Variants in AHCYL2 observed in about 807,000 individuals in gnomAD.
AHCYL2 encodes adenosylhomocysteinase like 2.
Under a neutral mutation model 81.4 loss-of-function variants are expected in AHCYL2, and 28 were observed. The observed-to-expected ratio is 0.34, with a 90% CI of 0.25 to 0.47. The LOEUF is 0.47. AHCYL2 is among the 20% of genes least tolerant of loss of function. The pLI is 1.00. For missense variants in AHCYL2, 551 were observed against 785.1 expected (o/e 0.70, Z 3.56); for synonymous variants, 272 against 290.2 (o/e 0.94, Z 0.64).
intron 1 of AHCYL2, among the ~76,000 whole-genome samples, chr7:129,336,756 A>AT (rs199613653): frequency 7.9e-4 from 119 of 150,178 alleles, no homozygotes; most frequent in African/African-American, 1.9e-3. Context: ...ATAAAACGTA[A>AT]TTTTTTTTTT....
At chr7:129,355,236 A>C (rs1793696888) in intron 1 of AHCYL2, among the ~76,000 whole-genome samples, 2 of 138,938 alleles carry the variant, frequency 1.4e-5, no homozygotes, top group Non-Finnish European at 3.2e-5. Context: ...TGTTTTAGTG[A>C]TTGCACTGTG....
At chr7:129,256,125 T>C (rs1490788871) in intron 1 of AHCYL2, among the ~76,000 whole-genome samples, 2 of 152,238 alleles carry the variant, frequency 1.3e-5, no homozygotes, top group Non-Finnish European at 2.9e-5. Context: ...TTATTTTTTC[T>C]GATGACTTGT....
intron 1 of AHCYL2, among the ~76,000 whole-genome samples, chr7:129,269,521 T>C (rs927496986): frequency 2.6e-5 from 4 of 152,136 alleles, no homozygotes; most frequent in Non-Finnish European, 5.9e-5. Context: ...ACTCCTGAGC[T>C]CGTGATTCAC....
chr7:129,334,516 G>A (rs1798527155), intron 1 of AHCYL2, among the ~76,000 whole-genome samples: 1 of 152,162 alleles, frequency 6.6e-6, no homozygotes, highest in Admixed American at 6.5e-5. Context: ...CAGTCTAGAT[G>A]ATGATGGGAT....
At chr7:129,226,324 A>G (rs1794215362) in intron 1 of AHCYL2, among the ~76,000 whole-genome samples, 1 of 152,130 alleles carries the variant, frequency 6.6e-6, no homozygotes, top group Non-Finnish European at 1.5e-5. Flanking sequence ...TACATTGTCT[A>G]TCCATAGTTG....
chr7:129,341,641 G>A (rs917605378), intron 1 of AHCYL2, among the ~76,000 whole-genome samples: 14 of 152,194 alleles, frequency 9.2e-5, no homozygotes, highest in South Asian at 4.1e-4. Context: ...GTGGCTGGCA[G>A]GGTGGTGATG....
At chr7:129,281,185 A>G (rs1796431556) in intron 1 of AHCYL2, among the ~76,000 whole-genome samples, 1 of 152,054 alleles carries the variant, frequency 6.6e-6, no homozygotes, top group Non-Finnish European at 1.5e-5. Flanking sequence ...TTTAAATGTT[A>G]AACTCACCTT....
rs774916391 is a variant in AHCYL2, at chr7:129,405,051, T to C, written c.1026-46T>C. Reference sequence around the variant, plus strand: ...GGCCTCCTATGAAAGCAATGGTAGATTGTAATGTCCTGGTGTTTTTTGTTC... The same window carrying C: ...GGCCTCCTATGAAAGCAATGGTAGACTGTAATGTCCTGGTGTTTTTTGTTC... On this transcript the variant is annotated intron_variant, in intron 7 of 16. Coordinates refer to ENST00000325006, the MANE Select transcript of AHCYL2 (RefSeq NM_015328.4). The C allele has an allele frequency of 3.9e-6, 5 of 1,293,312 alleles. No individual in the cohort carries two copies. In the African/African-American group the frequency reaches 7.6e-5, roughly 20 times the overall value. 80.1% of individuals were successfully genotyped at this position (1,293,312 alleles called of 1,614,324 possible).
intron 1 of AHCYL2, among the ~76,000 whole-genome samples, chr7:129,321,347 G>A (rs780406392): frequency 6.6e-6 from 1 of 152,098 alleles, no homozygotes; most frequent in Non-Finnish European, 1.5e-5. Flanking sequence ...TCTAGTCTTA[G>A]TTTTCCAACA....
intron 2 of AHCYL2, 163 bp from the exon 3 acceptor site, chr7:129,388,893 C>G: frequency 1.5e-6 from 1 of 651,480 alleles, no homozygotes; most frequent in Non-Finnish European, 2.5e-6. Context: ...CAATCTCTTT[C>G]AGCTTCCCTC....
chr7:129,331,615 G>A (rs1446665316), intron 1 of AHCYL2, among the ~76,000 whole-genome samples: 1 of 151,936 alleles, frequency 6.6e-6, no homozygotes, highest in African/African-American at 2.4e-5. Flanking sequence ...AGGCCAAGGC[G>A]GGCAGATCAC....
chr7:129,390,128 A>G (rs974198266), intron 4 of AHCYL2, among the ~76,000 whole-genome samples: 2 of 152,210 alleles, frequency 1.3e-5, no homozygotes, highest in African/African-American at 2.4e-5. Context: ...AATTTATGCA[A>G]TTGGCCCTGC....
chr7:129,414,129 G>A (rs957215130), intron 12 of AHCYL2, among the ~76,000 whole-genome samples: 1 of 152,188 alleles, frequency 6.6e-6, no homozygotes, highest in Non-Finnish European at 1.5e-5. Context: ...GGGCTGGGAT[G>A]ATTATGTTGC....
At chr7:129,236,844 A>T (rs1794662107) in intron 1 of AHCYL2, among the ~76,000 whole-genome samples, 1 of 152,138 alleles carries the variant, frequency 6.6e-6, no homozygotes, top group Non-Finnish European at 1.5e-5. Context: ...ATATATTGGC[A>T]ATTTATATTC....
At chr7:129,265,463 T>C (rs1410508424) in intron 1 of AHCYL2, among the ~76,000 whole-genome samples, 1 of 152,110 alleles carries the variant, frequency 6.6e-6, no homozygotes, top group African/African-American at 2.4e-5. Flanking sequence ...GGGGCTGCTT[T>C]ATTATAAGAG....
Position 129,275,592 on chromosome 7 carries a change from A to G in AHCYL2, c.363+50153A>G, listed in dbSNP as rs527577009. On this transcript the variant is annotated intron_variant, in intron 1 of 16. Transcript: ENST00000325006. The stretch of plus-strand genomic sequence containing the variant: ...TTAATAGTAGCCAAAACTGATTTGA[A>G]GGCAAAAATCATTATTTGCGTTAAA... Among the ~76,000 whole-genome samples, 3 of 152,326 alleles carry G rather than the reference A, an allele frequency of 2.0e-5. No homozygotes were observed. The East Asian group carries it at 5.8e-4, about 29-fold the overall frequency.
intron 1 of AHCYL2, among the ~76,000 whole-genome samples, chr7:129,361,005 C>A (rs2150842802): frequency 6.6e-6 from 1 of 152,230 alleles, no homozygotes; most frequent in East Asian, 1.9e-4. Flanking sequence ...GTTGTCCCAG[C>A]CATATTGTCA....
chr7:129,317,018 C>A (rs928019674), intron 1 of AHCYL2, among the ~76,000 whole-genome samples: 1 of 152,122 alleles, frequency 6.6e-6, no homozygotes, highest in Non-Finnish European at 1.5e-5. Context: ...GTCTTCATTG[C>A]GGGCCAGGTC....
intron 1 of AHCYL2, among the ~76,000 whole-genome samples, chr7:129,312,150 T>C (rs1797680496): frequency 6.6e-6 from 1 of 152,058 alleles, no homozygotes; most frequent in Non-Finnish European, 1.5e-5. Flanking sequence ...AGTGGCGTGA[T>C]CACGGCTCAC....
Sources: allele counts gnomAD v4.1 joint callset (sites outside exome capture counted in the v4.1 genomes callset), GRCh38; gene constraint gnomAD v4.1.1; transcripts MANE v1.5; gene names NCBI Gene and HGNC (gene_info 2026-07-23, HGNC 2026-07-21).